The following CUX2 variants were observed in gnomAD, a reference collection of about 807,000 sequenced individuals.
CUX2 encodes the protein homeobox protein cut-like 2.
A neutral mutation model predicts 144.8 loss-of-function variants in CUX2; 40 were observed. That is an observed-to-expected ratio of 0.28 (90% confidence interval 0.21 to 0.36). CUX2 has a LOEUF of 0.36. Ranked by LOEUF, CUX2 falls within the 10% of genes least tolerant of loss-of-function variation. The pLI, the probability that CUX2 is intolerant of heterozygous loss-of-function variation, is 1.00. For synonymous variants in CUX2, 827 were observed against 875.6 expected, an observed-to-expected ratio of 0.94 and a Z score of 0.98; for missense variants, 1,615 against 1,994.0, an observed-to-expected ratio of 0.81 and a Z score of 3.62.
intron 1 of CUX2, among the ~76,000 whole-genome samples, chr12:111,140,218 A>G (rs1268862394): frequency 6.6e-6 from 1 of 152,138 alleles, no homozygotes; most frequent in Non-Finnish European, 1.5e-5. Flanking sequence ...CTGGAAACCC[A>G]TTTAACAACT....
chr12:111,317,864 G>T (rs1887276750), intron 16 of CUX2, among the ~76,000 whole-genome samples: 2 of 152,090 alleles, frequency 1.3e-5, no homozygotes, highest in African/African-American at 4.8e-5. Context: ...GCCAGGCCTG[G>T]TGGCGAGTGC....
intron 18 of CUX2, among the ~76,000 whole-genome samples, chr12:111,328,976 C>CTCTCTCTCTCTCTCTCCCCCCCCTCT (rs1887960160): frequency 3.2e-5 from 1 of 30,840 alleles, no homozygotes; most frequent in African/African-American, 2.7e-4. Flanking sequence ...TCTCTCTCTC[C>CTCTCTCTCTCTCTCTCCCCCCCCTCT]CCCTCTCTCC....
At chr12:111,338,623 A>G (rs187566553) in intron 20 of CUX2, 149 bp downstream of exon 20, 129 of 681,828 alleles carry the variant, frequency 1.9e-4, no homozygotes, top group Middle Eastern at 3.4e-4. Context: ...TTGAAAAACA[A>G]TGTAACAATG....
chr12:111,285,034 G>A (rs537409986), intron 4 of CUX2, among the ~76,000 whole-genome samples: 2 of 152,204 alleles, frequency 1.3e-5, no homozygotes, highest in South Asian at 2.1e-4. Flanking sequence ...GACGACGTCC[G>A]GGAAAGCCCA....
chr12:111,235,061 C>T (rs1004786615), intron 3 of CUX2, among the ~76,000 whole-genome samples: 24 of 152,126 alleles, frequency 1.6e-4, no homozygotes, highest in African/African-American at 5.8e-4. Flanking sequence ...ATCAATAAAA[C>T]GGTACCTAGT....
chr12:111,076,180 A>T (rs1455310115), intron 1 of CUX2, among the ~76,000 whole-genome samples: 2 of 152,328 alleles, frequency 1.3e-5, no homozygotes, highest in Admixed American at 6.5e-5. Flanking sequence ...CAGCATCATC[A>T]TTTTTATAAA....
chr12:111,296,641 C>G (rs1886012627), intron 8 of CUX2, 102 bp downstream of exon 8: 1 of 1,045,750 alleles, frequency 9.6e-7, no homozygotes, highest in Admixed American at 2.1e-5. Flanking sequence ...CTGACCCTCC[C>G]AGACACACCT....
Position 111,287,675 on chromosome 12 carries a change from C to T in CUX2, c.302-3743C>T, listed in dbSNP as rs751147198. Reference sequence around the variant, plus strand: ...CTGCTGCGCAGGCCCTGCCTAATGACGGGGCGTGGGGGCTGCCGGCAGATG... The same window carrying T: ...CTGCTGCGCAGGCCCTGCCTAATGATGGGGCGTGGGGGCTGCCGGCAGATG... On this transcript the variant is annotated intron_variant, in intron 4 of 21. Coordinates refer to ENST00000261726, the MANE Select transcript of CUX2 (RefSeq NM_015267.4). The surrounding 1 kb of genome is among the most constrained non-coding windows in gnomAD (Gnocchi z 4.2). Among the ~76,000 whole-genome samples the T allele has an allele frequency of 1.3e-5, 2 of 152,244 alleles. No homozygotes were observed. The highest frequency in any genetic ancestry group is 2.4e-5 in the African/African-American group (1 of 41,468).
At chr12:111,116,560 G>T (rs1431678180) in intron 1 of CUX2, among the ~76,000 whole-genome samples, 1 of 152,206 alleles carries the variant, frequency 6.6e-6, no homozygotes, top group Non-Finnish European at 1.5e-5. Context: ...CTGAGAAGGA[G>T]TGTGATTGTT....
chr12:111,071,952 C>T (rs1416540551), intron 1 of CUX2, among the ~76,000 whole-genome samples: 2 of 152,224 alleles, frequency 1.3e-5, no homozygotes, highest in East Asian at 3.8e-4. Context: ...TCTGGGCTCT[C>T]TGTCCTGTTC....
chr12:111,035,609 C>G lies in CUX2; in HGVS notation c.63+1369C>G, dbSNP rs1471106224. On this transcript the variant is annotated intron_variant, in intron 1 of 21. Transcript: ENST00000261726. The surrounding 1 kb of genome is among the most constrained non-coding windows in gnomAD (Gnocchi z 6.0). ...TCATCAGTCTGGAGATAAAAAGGGA[C>G]CCACTTTTTTTTTTTTTTTTAATCC... 1.2e-5 allele frequency among the ~76,000 whole-genome samples: 1 copy of G among 86,540 alleles called. No individual in the cohort carries two copies. The highest frequency in any genetic ancestry group is 2.1e-5 in the Non-Finnish European group (1 of 46,916). The allele number at this position is 86,540 out of a possible 152,430, so 56.8% of individuals were successfully genotyped here. A position where few individuals can be genotyped will look rare whatever the true frequency, so the allele number is the denominator to read the frequency against.
In CUX2 at chr12:111,127,714, G is replaced by C. The variant is rs1056299081; in HGVS notation, c.64-86486G>C. Among the ~76,000 whole-genome samples the C allele has an allele frequency of 5.3e-5, 8 of 152,298 alleles. No homozygotes were observed. The South Asian group carries it at 8.3e-4, about 16-fold the overall frequency. On this transcript the variant is annotated intron_variant, in intron 1 of 21. Coordinates refer to ENST00000261726, the MANE Select transcript of CUX2 (RefSeq NM_015267.4). Reference sequence around the variant, plus strand: ...TTAATCTGTTCTCACGCTGCTAAGAGACATACCTGAGACTGGGTAATTTGT... The same window carrying C: ...TTAATCTGTTCTCACGCTGCTAAGACACATACCTGAGACTGGGTAATTTGT...
At position 111,310,024 on chromosome 12, in the gene CUX2, C is replaced by G; in HGVS notation, c.1259-17C>G. ...CTTCCCCGTCTGTCTGTCTGTCTGTCTGTCTGGGTGTTCTAGAGGAAGACC... is the reference window on the plus strand; with the variant it reads ...CTTCCCCGTCTGTCTGTCTGTCTGTGTGTCTGGGTGTTCTAGAGGAAGACC... On this transcript the variant is annotated splice_polypyrimidine_tract_variant and intron_variant, in intron 14 of 21. Coordinates refer to ENST00000261726, the MANE Select transcript of CUX2 (RefSeq NM_015267.4). The surrounding 1 kb of genome is among the most constrained non-coding windows in gnomAD (Gnocchi z 7.9). 1 of 1,291,520 alleles carries G rather than the reference C, an allele frequency of 7.7e-7. No individual in the cohort carries two copies. The highest frequency in any genetic ancestry group is 9.8e-7 in the Non-Finnish European group (1 of 1,021,064). 80.0% of individuals were successfully genotyped at this position (1,291,520 alleles called of 1,614,324 possible). A position where few individuals can be genotyped will look rare whatever the true frequency, so the allele number is the denominator to read the frequency against.
chr12:111,334,422 C>T lies in CUX2; in HGVS notation c.2927-19C>T. 1 of 1,556,944 alleles carries T rather than the reference C, an allele frequency of 6.4e-7. No individual in the cohort carries two copies. The highest frequency in any genetic ancestry group is 8.7e-7 in the Non-Finnish European group (1 of 1,153,526). On this transcript the variant is annotated intron_variant, in intron 18 of 21. Coordinates refer to ENST00000261726, the MANE Select transcript of CUX2 (RefSeq NM_015267.4). The stretch of plus-strand genomic sequence containing the variant: ...TGCCAGATTATAGTAACCACCTTCT[C>T]TTTCTCTGTGGCCCACAGCCAGTCC...
rs371470232 is a variant in CUX2 at position 111,091,391 on chromosome 12, G to A, written c.63+57151G>A. On this transcript the variant is annotated intron_variant, in intron 1 of 21. Transcript: ENST00000261726. ...AGACACAGCTGGGGTTGCTGCTGGC[G>A]GAGGTCAAGTGCAACCGGGCAGCGT... Among the ~76,000 whole-genome samples, 458 of 152,274 alleles carry A rather than the reference G, an allele frequency of 3.0e-3. 4 individuals are homozygous for A. The highest frequency in any genetic ancestry group is 0.01 in the African/African-American group (429 of 41,552).
intron 3 of CUX2, among the ~76,000 whole-genome samples, chr12:111,244,656 TG>T (rs992986707): frequency 1.2e-4 from 18 of 152,326 alleles, no homozygotes; most frequent in Admixed American, 1.0e-3. Flanking sequence ...CAGGTAATGC[TG>T]GGCACTTCCA....
Position 111,059,393 on chromosome 12 carries a change from T to G in CUX2, c.63+25153T>G, listed in dbSNP as rs939694467. Among the ~76,000 whole-genome samples, 1 of 152,254 alleles carries G rather than the reference T, an allele frequency of 6.6e-6. No homozygotes were observed. Among genetic ancestry groups the G allele is most frequent in the African/African-American group, 2.4e-5 (1 of 41,472 alleles). Reference sequence around the variant, plus strand: ...TGTTCTTGATAAGGCTAGGTGCCCCTGGCCCCAGCGAGGGGCTTCTTGGCA... The same window carrying G: ...TGTTCTTGATAAGGCTAGGTGCCCCGGGCCCCAGCGAGGGGCTTCTTGGCA... On this transcript the variant is annotated intron_variant, in intron 1 of 21. Coordinates refer to ENST00000261726, the MANE Select transcript of CUX2 (RefSeq NM_015267.4). The surrounding 1 kb of genome is among the most constrained non-coding windows in gnomAD (Gnocchi z 5.3).
rs1871605287 is a variant in CUX2, at chr12:111,077,494, C to T, written c.63+43254C>T. ...TTGGACCACTGAATAATTTACGGTC[C>T]CTCGGAGCGGCGAGGAGCAGGTCAC... On this transcript the variant is annotated intron_variant, in intron 1 of 21. Transcript: ENST00000261726. The surrounding 1 kb of genome is among the most constrained non-coding windows in gnomAD (Gnocchi z 4.1). 1.3e-5 allele frequency among the ~76,000 whole-genome samples: 2 copies of T among 152,304 alleles called. No homozygotes were observed. Among genetic ancestry groups the T allele is most frequent in the South Asian group, 2.1e-4 (1 of 4,828 alleles).
chr12:111,048,586 G>C (rs747783301), intron 1 of CUX2, among the ~76,000 whole-genome samples: 5 of 152,144 alleles, frequency 3.3e-5, no homozygotes, highest in South Asian at 2.1e-4. Flanking sequence ...GTGCAAGGAG[G>C]GTCATGGGGG....
Sources: allele counts gnomAD v4.1 joint callset (sites outside exome capture counted in the v4.1 genomes callset), GRCh38; gene constraint gnomAD v4.1.1; non-coding constraint Gnocchi (gnomAD v3.1); transcripts MANE v1.5; gene names NCBI Gene and HGNC (gene_info 2026-07-23, HGNC 2026-07-21).